The following JAKMIP1 variants were observed in gnomAD, a reference collection of about 807,000 sequenced individuals.
JAKMIP1 encodes the protein janus kinase and microtubule interacting protein 1.
Under a neutral mutation model 113.0 loss-of-function variants are expected in JAKMIP1, and 33 were observed. That is an observed-to-expected ratio of 0.29 (90% confidence interval 0.22 to 0.39). The LOEUF (loss-of-function observed/expected upper bound fraction) is 0.39. Among genes scored for constraint, JAKMIP1 ranks in the 10% least tolerant of loss-of-function variants. The probability of loss-of-function intolerance (pLI) is 1.00; values close to 1 mark genes in which losing one functional copy is unlikely to be tolerated. For synonymous variants in JAKMIP1, 480 were observed against 459.9 expected, an observed-to-expected ratio of 1.04 and a Z score of -0.56; for missense variants, 813 against 1,080.5, an observed-to-expected ratio of 0.75 and a Z score of 3.47.
rs1713379679 is a variant in JAKMIP1 at position 6,035,990 on chromosome 4, C to T, written c.2293G>A (p.Val765Met). Residue 765 changes from valine (V) to methionine (M), a missense_variant, in exon 19 of 21, where the codon GTG becomes ATG. Physicochemically the swap from Val to Met is conservative, Grantham distance 21 (BLOSUM62 1). Transcript: ENST00000409021. ...CTCTGCCTGAGGATCTGCCTGCGCA[C>T]CTTTTCCACAGCAGCCTGCAGGTCC... ...REDLQAAVEK[V>M]RRQILRQSRE... The T allele has an allele frequency of 6.4e-7, 1 of 1,551,576 alleles. No individual in the cohort carries two copies. The highest frequency in any genetic ancestry group is 8.7e-7 in the Non-Finnish European group (1 of 1,147,076).
chr4:6,085,365 C>T (rs995235010), intron 4 of JAKMIP1, 55 bp downstream of exon 4: 81 of 1,533,662 alleles, frequency 5.3e-5, no homozygotes, highest in Non-Finnish European at 7.1e-5. Flanking sequence ...CAGAAAAATG[C>T]CACCTAAATG....
rs1007157382 is a variant in JAKMIP1, at chr4:6,061,790, G to A, written c.1560+522C>T. Among the ~76,000 whole-genome samples the A allele has an allele frequency of 6.6e-6, 1 of 152,168 alleles. No individual in the cohort carries two copies. The highest frequency in any genetic ancestry group is 1.5e-5 in the Non-Finnish European group (1 of 68,042). ...GCAGGCCCCAGTCTATGTGACTCCCGAAGGTGGGAGAAGGGCCAGTGGATG... is the reference window on the plus strand; with the variant it reads ...GCAGGCCCCAGTCTATGTGACTCCCAAAGGTGGGAGAAGGGCCAGTGGATG... On this transcript the variant is annotated intron_variant, in intron 10 of 20. Coordinates refer to ENST00000409021, the MANE Select transcript of JAKMIP1 (RefSeq NM_001099433.2). The surrounding 1 kb of genome is among the most constrained non-coding windows in gnomAD (Gnocchi z 5.3).
intron 1 of JAKMIP1, among the ~76,000 whole-genome samples, chr4:6,119,116 T>G (rs1483988844): frequency 6.6e-6 from 1 of 152,164 alleles, no homozygotes; most frequent in African/African-American, 2.4e-5. Flanking sequence ...TTTAAGGGAA[T>G]GCGACCCTGC....
At chr4:6,115,752 T>G (rs1405382612) in intron 1 of JAKMIP1, among the ~76,000 whole-genome samples, 2 of 152,244 alleles carry the variant, frequency 1.3e-5, no homozygotes, top group African/African-American at 4.8e-5. Flanking sequence ...TATCTGCAAT[T>G]AGCCAGGAAG....
chr4:6,094,104 C>T lies in JAKMIP1; in HGVS notation c.625-8475G>A, dbSNP rs1475421726. Reference sequence around the variant, plus strand: ...CCCAGGACTCCCCCGAGAGGCTGGCCCAGCAGGCATCTATATAGGGAACAT... The same window carrying T: ...CCCAGGACTCCCCCGAGAGGCTGGCTCAGCAGGCATCTATATAGGGAACAT... On this transcript the variant is annotated intron_variant, in intron 3 of 20. Transcript: ENST00000409021. The surrounding 1 kb of genome is among the most constrained non-coding windows in gnomAD (Gnocchi z 4.2). Among the ~76,000 whole-genome samples the T allele has an allele frequency of 6.6e-6, 1 of 152,060 alleles. No individual in the cohort carries two copies. The highest frequency in any genetic ancestry group is 1.5e-5 in the Non-Finnish European group (1 of 68,020).
At chr4:6,103,924 CT>C (rs201955407) in intron 3 of JAKMIP1, among the ~76,000 whole-genome samples, 1,554 of 152,152 alleles carry the variant, frequency 0.01, 20 homozygotes, top group Middle Eastern at 0.02. Context: ...TTTTAATTAA[CT>C]CTTGAATTTG....
At chr4:6,112,629 T>C (rs1348878254) in intron 2 of JAKMIP1, 93 bp downstream of exon 2, 24 of 1,454,820 alleles carry the variant, frequency 1.6e-5, no homozygotes, top group Non-Finnish European at 2.2e-5. Flanking sequence ...GCCCCCCTCC[T>C]GGAACAGGCT....
In JAKMIP1 at chr4:6,149,810, G is replaced by A. The variant is rs185711049; in HGVS notation, c.-147-36813C>T. On this transcript the variant is annotated intron_variant, in intron 1 of 20. Transcript: ENST00000409021. ...GATGAGGCCTAACGCTTCTCGCCCA[G>A]GCTCGAAAGCATCTCAGCAACTGCA... 4.4e-4 allele frequency among the ~76,000 whole-genome samples: 67 copies of A among 152,172 alleles called. 1 individual carries two copies. The highest frequency in any genetic ancestry group is 1.6e-3 in the African/African-American group (65 of 41,522).
At position 6,061,051 on chromosome 4, in the gene JAKMIP1, G is replaced by C. The variant is rs1417425195; in HGVS notation, c.1561-544C>G. Among the ~76,000 whole-genome samples, 2 of 152,212 alleles carry C rather than the reference G, an allele frequency of 1.3e-5. No homozygotes were observed. The highest frequency in any genetic ancestry group is 4.8e-5 in the African/African-American group (2 of 41,450). On this transcript the variant is annotated intron_variant, in intron 10 of 20. Coordinates refer to ENST00000409021, the MANE Select transcript of JAKMIP1 (RefSeq NM_001099433.2). This position sits in a 1 kb window ranked among gnomAD's most constrained non-coding sequence, Gnocchi z 5.3. ...GGGGTAACAGGGAGTGGTGGGGACT[G>C]TGGCAAGCCAGAGGCACACGTCCCA...
At chr4:6,182,609 G>A (rs992064472) in intron 1 of JAKMIP1, among the ~76,000 whole-genome samples, 3 of 152,220 alleles carry the variant, frequency 2.0e-5, no homozygotes, top group East Asian at 1.9e-4. Flanking sequence ...CCTCCAGAAC[G>A]GTGAGAAATA....
In JAKMIP1 at chr4:6,067,180, T is replaced by A. The variant is rs1006449878; in HGVS notation, c.1303-2172A>T. ...ATGGTCTTCCCCCTACCCCTTGAAA[T>A]GGAAGCTCCATGAAGACAGGGGGTT... On this transcript the variant is annotated intron_variant, in intron 8 of 20. Coordinates refer to ENST00000409021, the MANE Select transcript of JAKMIP1 (RefSeq NM_001099433.2). The surrounding 1 kb of genome is among the most constrained non-coding windows in gnomAD (Gnocchi z 4.6). Among the ~76,000 whole-genome samples the A allele has an allele frequency of 3.3e-5, 5 of 152,190 alleles. No homozygotes were observed. Among genetic ancestry groups the A allele is most frequent in the African/African-American group, 1.2e-4 (5 of 41,446 alleles).
chr4:6,147,222 A>G (rs1720962605), intron 1 of JAKMIP1, among the ~76,000 whole-genome samples: 1 of 152,188 alleles, frequency 6.6e-6, no homozygotes, highest in Admixed American at 6.5e-5. Flanking sequence ...TCAGCCTCCC[A>G]AAGTGCTGGG....
Position 6,094,291 on chromosome 4 carries a change from C to A in JAKMIP1, c.625-8662G>T, listed in dbSNP as rs1409867937. On this transcript the variant is annotated intron_variant, in intron 3 of 20. Coordinates refer to ENST00000409021, the MANE Select transcript of JAKMIP1 (RefSeq NM_001099433.2). This position sits in a 1 kb window ranked among gnomAD's most constrained non-coding sequence, Gnocchi z 4.2. The stretch of plus-strand genomic sequence containing the variant: ...GCCCGGAAAATATATAGCCTCTCTT[C>A]CGTAATTTTCTGGCAAAAAAAGAAA... 6.6e-6 allele frequency among the ~76,000 whole-genome samples: 1 copy of A among 152,222 alleles called. No individual in the cohort carries two copies. Among genetic ancestry groups the A allele is most frequent in the Non-Finnish European group, 1.5e-5 (1 of 68,044 alleles).
At chr4:6,079,636 A>G (rs1038419285) in intron 7 of JAKMIP1, among the ~76,000 whole-genome samples, 65 of 152,124 alleles carry the variant, frequency 4.3e-4, no homozygotes, top group African/African-American at 1.4e-3. Context: ...AATTCTCTGG[A>G]TGCAATTCTC....
At chr4:6,113,134 C>T (rs555285264) in intron 1 of JAKMIP1, 137 bp from the exon 2 acceptor site, 12 of 391,640 alleles carry the variant, frequency 3.1e-5, no homozygotes, top group South Asian at 1.4e-4. Flanking sequence ...AGAGCCTTCC[C>T]GATGGGGGCT....
At chr4:6,066,005 T>C (rs977099058) in intron 8 of JAKMIP1, among the ~76,000 whole-genome samples, 77 of 152,232 alleles carry the variant, frequency 5.1e-4, no homozygotes, top group African/African-American at 1.7e-3. Flanking sequence ...GGTTTTTTTT[T>C]CCCAAACAGC....
chr4:6,042,036 C>T lies in JAKMIP1; in HGVS notation c.2097+123G>A. On this transcript the variant is annotated intron_variant, in intron 17 of 20. Coordinates refer to ENST00000409021, the MANE Select transcript of JAKMIP1 (RefSeq NM_001099433.2). The surrounding 1 kb of genome is among the most constrained non-coding windows in gnomAD (Gnocchi z 5.2). ...CAATTACTTAGAACAACCACTGGGG[C>T]AAAAGCAAAATTGAGAAATGCATGC... The T allele has an allele frequency of 1.3e-6, 1 of 777,082 alleles. No homozygotes were observed. Among genetic ancestry groups the T allele is most frequent in the Non-Finnish European group, 2.2e-6 (1 of 463,968 alleles). The allele number at this position is 777,082 out of a possible 1,614,324, so 48.1% of individuals were successfully genotyped here.
chr4:6,067,131 T>A lies in JAKMIP1; in HGVS notation c.1303-2123A>T, dbSNP rs1718215488. Among the ~76,000 whole-genome samples, 1 of 152,164 alleles carries A rather than the reference T, an allele frequency of 6.6e-6. No individual in the cohort carries two copies. The highest frequency in any genetic ancestry group is 1.5e-5 in the Non-Finnish European group (1 of 68,040). The stretch of plus-strand genomic sequence containing the variant: ...AGCACATCTCCCCGCTGACGTAAGA[T>A]CTGGCAAGCTATTGTGTTTACTGAT... On this transcript the variant is annotated intron_variant, in intron 8 of 20. Transcript: ENST00000409021. The surrounding 1 kb of genome is among the most constrained non-coding windows in gnomAD (Gnocchi z 4.6).
In JAKMIP1 at chr4:6,049,331, C is replaced by T. The variant is rs1226378719; in HGVS notation, c.1963-409G>A. On this transcript the variant is annotated intron_variant, in intron 15 of 20. Coordinates refer to ENST00000409021, the MANE Select transcript of JAKMIP1 (RefSeq NM_001099433.2). This position sits in a 1 kb window ranked among gnomAD's most constrained non-coding sequence, Gnocchi z 7.0. ...GATTACAGGCGTGAGCCACCATGCC[C>T]CGCCAACACCAAGCGACTTTCCTAG... is the stretch of plus-strand genomic sequence containing the variant. Among the ~76,000 whole-genome samples, 1 of 152,176 alleles carries T rather than the reference C, an allele frequency of 6.6e-6. No homozygotes were observed. Among genetic ancestry groups the T allele is most frequent in the East Asian group, 1.9e-4 (1 of 5,190 alleles).
Sources: allele counts gnomAD v4.1 joint callset (sites outside exome capture counted in the v4.1 genomes callset), GRCh38; gene constraint gnomAD v4.1.1; non-coding constraint Gnocchi (gnomAD v3.1); transcripts MANE v1.5; gene names NCBI Gene and HGNC (gene_info 2026-07-23, HGNC 2026-07-21).